The following KCNK1 variants were observed in gnomAD, a reference collection of about 807,000 sequenced individuals.
KCNK1 encodes potassium channel subfamily K member 1.
In KCNK1, 10 loss-of-function variants were observed where a neutral mutation model predicts 22.2. That is an observed-to-expected ratio of 0.45 (90% CI 0.28 to 0.76). KCNK1 has a LOEUF of 0.76. Among genes scored for constraint, KCNK1 ranks in the 30% least tolerant of loss-of-function variants. KCNK1 has a pLI of 0.14. For synonymous variants in KCNK1, 200 were observed against 186.4 expected (o/e 1.07, Z -0.60); for missense variants, 378 against 421.0 (o/e 0.90, Z 0.89).
intron 1 of KCNK1, among the ~76,000 whole-genome samples, chr1:233,650,798 G>GA (rs11441644): frequency 0.41 from 53,759 of 130,196 alleles, 10,207 homozygotes; most frequent in Admixed American, 0.54. Flanking sequence ...TCGAACAATA[G>GA]AAAAAAAAAA....
intron 1 of KCNK1, among the ~76,000 whole-genome samples, chr1:233,662,887 G>A (rs1658424674): frequency 6.6e-6 from 1 of 152,278 alleles, no homozygotes; most frequent in South Asian, 2.1e-4. Flanking sequence ...TTAAAAAAAT[G>A]TAACCCAAGT....
Position 233,659,473 on chromosome 1 carries a change from T to A in KCNK1, c.356-7122T>A, listed in dbSNP as rs569801351. Among the ~76,000 whole-genome samples the A allele has an allele frequency of 2.0e-5, 3 of 150,944 alleles. No individual in the cohort carries two copies. In the East Asian group the frequency reaches 6.0e-4, roughly 30 times the overall value. On this transcript the variant is annotated intron_variant, in intron 1 of 2. Coordinates refer to ENST00000366621, the MANE Select transcript of KCNK1 (RefSeq NM_002245.4). ...CAAATGTAAACCAGCTTCAGGCAAG[T>A]CCTGTAGAAGGAATACAATCTAAAA...
chr1:233,671,299 G>C lies in KCNK1; in HGVS notation c.780G>C (p.Met260Ile). Residue 260 changes from methionine (M) to isoleucine (I), a missense_variant, in exon 3 of 3, where the codon ATG (methionine) becomes ATC (isoleucine). Coordinates refer to ENST00000366621, the MANE Select transcript of KCNK1 (RefSeq NM_002245.4). ...TCYLLLGLIAMLVVLETFCEL... is the reference protein window; with the variant it reads ...TCYLLLGLIAILVVLETFCEL... ...ACCTGCTACTTGGCCTTATTGCCAT[G>C]TTGGTAGTTCTGGAAACCTTCTGTG... is the stretch of plus-strand genomic sequence containing the variant. 1 of 1,614,194 alleles carries C rather than the reference G, an allele frequency of 6.2e-7. No individual in the cohort carries two copies. Among genetic ancestry groups the C allele is most frequent in the Non-Finnish European group, 8.5e-7 (1 of 1,180,020 alleles).
intron 1 of KCNK1, among the ~76,000 whole-genome samples, chr1:233,635,651 A>G (rs1657884750): frequency 6.6e-6 from 1 of 152,214 alleles, no homozygotes; most frequent in African/African-American, 2.4e-5. Context: ...AATTTATTCA[A>G]TCATTTGCTG....
intron 1 of KCNK1, among the ~76,000 whole-genome samples, chr1:233,618,557 G>A (rs976310287): frequency 6.6e-6 from 1 of 152,148 alleles, no homozygotes; most frequent in Non-Finnish European, 1.5e-5. Context: ...ATTCCCCAAA[G>A]CAAGGCCATG....
chr1:233,661,364 A>G (rs568060042), intron 1 of KCNK1, among the ~76,000 whole-genome samples: 1 of 152,340 alleles, frequency 6.6e-6, no homozygotes, highest in Non-Finnish European at 1.5e-5. Flanking sequence ...AAGGTAAAGA[A>G]TTGATGCCAT....
intron 1 of KCNK1, among the ~76,000 whole-genome samples, chr1:233,648,192 A>G (rs1309465198): frequency 1.3e-5 from 2 of 152,222 alleles, no homozygotes; most frequent in Non-Finnish European, 2.9e-5. Flanking sequence ...TACTGTCTCT[A>G]TAAAAGCAGA....
intron 1 of KCNK1, among the ~76,000 whole-genome samples, chr1:233,622,581 T>C (rs184773511): frequency 2.6e-5 from 4 of 152,316 alleles, no homozygotes; most frequent in Admixed American, 6.5e-5. Context: ...ATCCCCAAAG[T>C]TGGTGGCCCA....
intron 1 of KCNK1, among the ~76,000 whole-genome samples, chr1:233,661,641 C>T (rs1658394955): frequency 6.6e-6 from 1 of 152,110 alleles, no homozygotes; most frequent in African/African-American, 2.4e-5. Flanking sequence ...TTTAGAGCTC[C>T]CTTGAGCCTT....
chr1:233,624,427 C>T (rs940593726), intron 1 of KCNK1, among the ~76,000 whole-genome samples: 3 of 152,138 alleles, frequency 2.0e-5, no homozygotes, highest in African/African-American at 7.2e-5. Flanking sequence ...GTTCCCGTAA[C>T]ATCTGTCTTC....
chr1:233,646,047 G>A (rs1214758620), intron 1 of KCNK1, among the ~76,000 whole-genome samples: 2 of 152,192 alleles, frequency 1.3e-5, no homozygotes, highest in Non-Finnish European at 2.9e-5. Context: ...GAGAGGTGAT[G>A]GTGGGGATGG....
At chr1:233,663,756 C>T (rs1446412992) in intron 1 of KCNK1, among the ~76,000 whole-genome samples, 1 of 152,038 alleles carries the variant, frequency 6.6e-6, no homozygotes, top group Non-Finnish European at 1.5e-5. Context: ...GTCATGTGAG[C>T]ACTGTTGTTA....
At chr1:233,671,125 A>T (rs1658588604) in intron 2 of KCNK1, 146 bp from the exon 3 acceptor site, 2 of 753,696 alleles carry the variant, frequency 2.7e-6, no homozygotes, top group Admixed American at 4.7e-5. Context: ...CCATGAACTT[A>T]AAAACACTTC....
intron 1 of KCNK1, among the ~76,000 whole-genome samples, chr1:233,648,386 A>G (rs967419271): frequency 5.9e-5 from 9 of 152,238 alleles, no homozygotes; most frequent in Non-Finnish European, 1.2e-4. Flanking sequence ...CCAGCTGTCA[A>G]CTGTCTGAAT....
chr1:233,615,654 C>G (rs2102878565), intron 1 of KCNK1, among the ~76,000 whole-genome samples: 1 of 152,248 alleles, frequency 6.6e-6, no homozygotes, highest in African/African-American at 2.4e-5. Context: ...CTGCCAGGAC[C>G]ACTTTGTAAC....
At chr1:233,640,000 T>C (rs1657975037) in intron 1 of KCNK1, among the ~76,000 whole-genome samples, 1 of 152,168 alleles carries the variant, frequency 6.6e-6, no homozygotes, top group Admixed American at 6.5e-5. Context: ...AATATTCTCA[T>C]TTTTCAAGTG....
intron 1 of KCNK1, among the ~76,000 whole-genome samples, chr1:233,644,403 A>T (rs1658054056): frequency 6.6e-6 from 1 of 152,244 alleles, no homozygotes; most frequent in Non-Finnish European, 1.5e-5. Context: ...AGCAGCTCTT[A>T]GCACTTAGGC....
At chr1:233,647,931 A>G (rs998139589) in intron 1 of KCNK1, among the ~76,000 whole-genome samples, 1 of 152,182 alleles carries the variant, frequency 6.6e-6, no homozygotes, top group South Asian at 2.1e-4. Flanking sequence ...GTACTGAGGA[A>G]AAAACCCCAA....
intron 2 of KCNK1, among the ~76,000 whole-genome samples, chr1:233,667,965 T>C (rs1235028745): frequency 6.6e-6 from 1 of 152,198 alleles, no homozygotes; most frequent in Non-Finnish European, 1.5e-5. Context: ...ATTAACTGTT[T>C]CCAGAATTTT....
Sources: allele counts gnomAD v4.1 joint callset (sites outside exome capture counted in the v4.1 genomes callset), GRCh38; gene constraint gnomAD v4.1.1; transcripts MANE v1.5; gene names NCBI Gene and HGNC (gene_info 2026-07-23, HGNC 2026-07-21).